SOBP: variants seen among roughly 807,000 people sequenced by gnomAD.
The protein encoded by SOBP is sine oculis-binding protein homolog.
SOBP carries 4 observed loss-of-function variants against 53.6 expected under a neutral mutation model. The observed-to-expected ratio is 0.07, with a 90% CI of 0.04 to 0.17. The LOEUF is 0.17. Ranked by LOEUF, SOBP falls within the 10% of genes least tolerant of loss-of-function variation. The pLI, the probability that SOBP is intolerant of heterozygous loss-of-function variation, is 1.00. For synonymous variants in SOBP, 584 were observed against 522.6 expected, an observed-to-expected ratio of 1.12 and a Z score of -1.60; for missense variants, 1,088 against 1,204.7, an observed-to-expected ratio of 0.90 and a Z score of 1.43.
intron 4 of SOBP, among the ~76,000 whole-genome samples, chr6:107,535,263 A>G (rs545420375): frequency 9.8e-5 from 15 of 152,304 alleles, no homozygotes; most frequent in African/African-American, 3.4e-4. Flanking sequence ...ATCTATATCT[A>G]TATTGTTTAC....
At chr6:107,656,316 A>AC (rs1491159253) in intron 6 of SOBP, among the ~76,000 whole-genome samples, 668 of 11,034 alleles carry the variant, frequency 0.061, 7 homozygotes, top group East Asian at 0.15. Context: ...AGAAAGAAAG[A>AC]AAGAAAGAAA....
intron 4 of SOBP, among the ~76,000 whole-genome samples, chr6:107,551,824 C>G (rs1784466864): frequency 6.6e-6 from 1 of 152,110 alleles, no homozygotes; most frequent in African/African-American, 2.4e-5. Flanking sequence ...AGTTCGATAC[C>G]AGCCTCAACA....
chr6:107,500,046 A>G (rs1782797638), intron 1 of SOBP, among the ~76,000 whole-genome samples: 1 of 152,216 alleles, frequency 6.6e-6, no homozygotes, highest in Non-Finnish European at 1.5e-5. Flanking sequence ...CTCTGCTAGA[A>G]AGACTTGAAA....
chr6:107,577,580 T>C (rs1371765964), intron 4 of SOBP, among the ~76,000 whole-genome samples: 1 of 152,210 alleles, frequency 6.6e-6, no homozygotes, highest in African/African-American at 2.4e-5. Flanking sequence ...TGAATGCCCC[T>C]TGTAGTCTGT....
intron 3 of SOBP, chr6:107,529,602 C>A: frequency 2.0e-6 from 2 of 985,404 alleles, no homozygotes; most frequent in Non-Finnish European, 2.4e-6. Context: ...TTTCTTTGGG[C>A]ACTGGTCAGG....
At chr6:107,527,549 G>T (rs980276829) in intron 3 of SOBP, among the ~76,000 whole-genome samples, 18 of 152,146 alleles carry the variant, frequency 1.2e-4, no homozygotes, top group Non-Finnish European at 1.5e-4. Context: ...ATTGCCACTC[G>T]TTCTAAGGAA....
At chr6:107,564,319 A>G (rs542935466) in intron 4 of SOBP, among the ~76,000 whole-genome samples, 1 of 152,334 alleles carries the variant, frequency 6.6e-6, no homozygotes, top group South Asian at 2.1e-4. Context: ...AATGCTAGGA[A>G]GGTGCTCTCC....
intron 5 of SOBP, among the ~76,000 whole-genome samples, chr6:107,616,663 A>G (rs1786802818): frequency 6.6e-6 from 1 of 152,190 alleles, no homozygotes; most frequent in Non-Finnish European, 1.5e-5. Flanking sequence ...AAAATTCTTA[A>G]ATTGAAAGCA....
intron 4 of SOBP, among the ~76,000 whole-genome samples, chr6:107,569,827 A>G (rs1447113412): frequency 6.6e-6 from 1 of 152,190 alleles, no homozygotes; most frequent in African/African-American, 2.4e-5. Context: ...TGCGTAATGC[A>G]GCTCCAGGCC....
At position 107,659,628 on chromosome 6, in the gene SOBP, C is replaced by G. The variant is rs969481619; in HGVS notation, c.*1425C>G. 2.0e-5 allele frequency: 3 copies of G among 152,654 alleles called. No individual in the cohort carries two copies. In the East Asian group the frequency reaches 5.8e-4, roughly 29 times the overall value. The allele number at this position is 152,654 out of a possible 1,614,324, so 9.5% of individuals were successfully genotyped here. A position where few individuals can be genotyped will look rare whatever the true frequency, so the allele number is the denominator to read the frequency against. ...CCCTCTGGAGGGGTCCAGGTGCCCCCGCCCCACAAGGCCGCGGAGCCTCAG... is the reference window on the plus strand; with the variant it reads ...CCCTCTGGAGGGGTCCAGGTGCCCCGGCCCCACAAGGCCGCGGAGCCTCAG... On this transcript the variant is annotated 3_prime_UTR_variant, in exon 7 of 7. Transcript: ENST00000317357.
At chr6:107,596,094 A>G (rs1785936911) in intron 5 of SOBP, among the ~76,000 whole-genome samples, 1 of 152,154 alleles carries the variant, frequency 6.6e-6, no homozygotes, top group African/African-American at 2.4e-5. Flanking sequence ...CCTGGCCAAG[A>G]GCTTTGTGTG....
At chr6:107,538,003 CATT>C (rs1784051605) in intron 4 of SOBP, among the ~76,000 whole-genome samples, 1 of 151,996 alleles carries the variant, frequency 6.6e-6, no homozygotes, top group Non-Finnish European at 1.5e-5. Flanking sequence ...TCCTAACAAT[CATT>C]ATAATAATAA....
chr6:107,506,271 G>A lies in SOBP; in HGVS notation c.265G>A (p.Glu89Lys), dbSNP rs200006380. The part of the protein sequence containing the change: ...ENSLPKPKLP[E>K]DSVISPYNIS... ...TTCTTTGCCAAAACCAAAATTACCCGAGGACAGTGTTATTTCACCATACAA... is the reference window on the plus strand; with the variant it reads ...TTCTTTGCCAAAACCAAAATTACCCAAGGACAGTGTTATTTCACCATACAA... The change falls in exon 3 of 7, where the codon GAG becomes AAG. Residue 89 changes from glutamate (E) to lysine (K), a missense_variant. Around this residue, in one of 6 missense-constraint regions of SOBP, gnomAD observed 112 missense variants for 117.9 expected, o/e 0.95. Transcript: ENST00000317357. 694 of 1,614,012 alleles carry A rather than the reference G, an allele frequency of 4.3e-4. No homozygotes were observed. Among genetic ancestry groups the A allele is most frequent in the Non-Finnish European group, 5.7e-4 (672 of 1,179,996 alleles).
At chr6:107,531,058 GC>G (rs1329012563) in intron 3 of SOBP, among the ~76,000 whole-genome samples, 1 of 152,256 alleles carries the variant, frequency 6.6e-6, no homozygotes, top group East Asian at 1.9e-4. Flanking sequence ...GGTCCAAGCT[GC>G]AAGCTAAGCG....
chr6:107,540,962 G>A (rs1379115144), intron 4 of SOBP, among the ~76,000 whole-genome samples: 2 of 152,188 alleles, frequency 1.3e-5, no homozygotes, highest in Admixed American at 1.3e-4. Flanking sequence ...TTTCTTTAAA[G>A]TGACAAGATT....
In SOBP at chr6:107,518,298, T is replaced by C. The variant is rs563996351; in HGVS notation, c.421+11871T>C. Among the ~76,000 whole-genome samples, 178 of 152,274 alleles carry C rather than the reference T, an allele frequency of 1.2e-3. 1 individual carries two copies. The highest frequency in any genetic ancestry group is 4.0e-3 in the African/African-American group (165 of 41,560). On this transcript the variant is annotated intron_variant, in intron 3 of 6. Coordinates refer to ENST00000317357, the MANE Select transcript of SOBP (RefSeq NM_018013.4). Reference sequence around the variant, plus strand: ...ATTTAAAATCATAGTGAGAGACCGGTAAACACACATGAGAATGGCTAAAAT... The same window carrying C: ...ATTTAAAATCATAGTGAGAGACCGGCAAACACACATGAGAATGGCTAAAAT...
intron 3 of SOBP, 38 bp downstream of exon 3, chr6:107,506,465 T>C (rs1782996302): frequency 1.2e-6 from 2 of 1,607,512 alleles, no homozygotes; most frequent in Non-Finnish European, 1.7e-6. Context: ...TAACAATTCA[T>C]AGAAAGTTGT....
intron 4 of SOBP, among the ~76,000 whole-genome samples, chr6:107,574,794 G>A (rs1201199170): frequency 2.0e-5 from 3 of 152,092 alleles, no homozygotes; most frequent in South Asian, 4.1e-4. Flanking sequence ...GCCTTTGGCC[G>A]TGTTCCTCAG....
chr6:107,518,993 A>G (rs1268991147), intron 3 of SOBP, among the ~76,000 whole-genome samples: 7 of 151,900 alleles, frequency 4.6e-5, no homozygotes, highest in African/African-American at 1.7e-4. Context: ...ATTATTACCA[A>G]GTGAAATGCA....
Sources: gnomAD v4.1 joint callset for allele counts (sites outside exome capture counted in the v4.1 genomes callset) on GRCh38, gnomAD v4.1.1 for gene constraint, gnomAD v4.1.1 regional missense constraint, MANE v1.5 for transcripts, NCBI Gene and HGNC (gene_info 2026-07-23, HGNC 2026-07-21) for gene names.